NAV3: variants seen among roughly 807,000 people sequenced by gnomAD.
The protein encoded by NAV3 is neuron navigator 3, also known as pore membrane and/or filament interacting like protein 1.
In NAV3, 87 loss-of-function variants were observed where a neutral mutation model predicts 244.7. The ratio of observed to expected loss-of-function variants is 0.36; its 90% CI spans 0.30 to 0.42. NAV3 has a LOEUF of 0.42. Ranked by LOEUF, NAV3 falls within the 20% of genes least tolerant of loss-of-function variation. NAV3 has a pLI of 1.00. For missense variants in NAV3, 2,663 were observed against 2,893.3 expected, an observed-to-expected ratio of 0.92 and a Z score of 1.83; for synonymous variants, 1,126 against 1,042.2, an observed-to-expected ratio of 1.08 and a Z score of -1.55.
In NAV3 at chr12:77,831,465, C is replaced by A. The variant is rs144372053; in HGVS notation, c.4C>A (p.Pro2Thr). M[P>T]VLGVASKLRQ... The stretch of plus-strand genomic sequence containing the variant: ...AGAAGATAATTTTATAGAAGCCATG[C>A]CTGTTCTTGGGGTTGCCTCAAAACT... Residue 2 changes from proline (P) to threonine (T), a missense_variant, in exon 1 of 40, where the codon CCT becomes ACT. Pro to Thr is a conservative substitution (Grantham distance 38). Around this residue, in one of 6 missense-constraint regions of NAV3, gnomAD observed 1,521 missense variants for 1,497.0 expected, o/e 1.02. Coordinates refer to ENST00000397909, the MANE Select transcript of NAV3 (RefSeq NM_001024383.2). 2.7e-4 allele frequency: 434 copies of A among 1,600,564 alleles called. 2 individuals are homozygous for A. The highest frequency in any genetic ancestry group is 1.3e-3 in the Admixed American group (76 of 56,888).
intron 9 of NAV3, among the ~76,000 whole-genome samples, chr12:78,032,317 A>G (rs745943981): frequency 1.3e-5 from 2 of 152,216 alleles, no homozygotes; most frequent in African/African-American, 4.8e-5. Context: ...TCACCAATGC[A>G]GTAACTCACT....
intron 12 of NAV3, among the ~76,000 whole-genome samples, chr12:78,072,052 T>G (rs1266875607): frequency 4.6e-5 from 7 of 152,088 alleles, no homozygotes; most frequent in Non-Finnish European, 1.0e-4. Context: ...AGTGGGAAAT[T>G]TATAGCACTA....
At chr12:77,925,540 G>GAT (rs1888115783) in intron 1 of NAV3, among the ~76,000 whole-genome samples, 2 of 31,654 alleles carry the variant, frequency 6.3e-5, no homozygotes, top group Non-Finnish European at 9.1e-5. Context: ...ATGAAAAGGC[G>GAT]GGGGGAGGTT....
At chr12:77,998,284 C>A (rs1872686317) in intron 6 of NAV3, 53 bp from the exon 7 acceptor site, 1 of 1,364,292 alleles carries the variant, frequency 7.3e-7, no homozygotes, top group Non-Finnish European at 9.7e-7. Context: ...CCTCCTGCTT[C>A]TTACCTTTTT....
In NAV3 at chr12:78,190,165, G is replaced by A; in HGVS notation, c.6237G>A (p.Arg2079=). Residue 2079 remains arginine, a synonymous_variant, in exon 34 of 40, where the codon AGG becomes AGA. Transcript: ENST00000397909. ...LAEYVITKSG[R]KKTEDAIATF... ...AATATGTAATAACCAAATCTGGAAG[G>A]AAAAAAACAGAGGATGCAATTGCCA... is the stretch of plus-strand genomic sequence containing the variant. 6.2e-7 allele frequency: 1 copy of A among 1,612,590 alleles called. No homozygotes were observed.
At chr12:78,054,963 G>A (rs1362926778) in intron 11 of NAV3, among the ~76,000 whole-genome samples, 1 of 152,162 alleles carries the variant, frequency 6.6e-6, no homozygotes, top group African/African-American at 2.4e-5. Context: ...AGCAGGAATT[G>A]TGGGAGGCAT....
intron 1 of NAV3, among the ~76,000 whole-genome samples, chr12:77,912,800 T>TTGTATTTTTACTA (rs1886739066): frequency 1.3e-5 from 2 of 149,854 alleles, no homozygotes; most frequent in Non-Finnish European, 3.0e-5. Context: ...TTACTAGAGA[T>TTGTATTTTTACTA]GGGGTTTCAC....
intron 12 of NAV3, among the ~76,000 whole-genome samples, chr12:78,065,718 G>A (rs541767245): frequency 6.6e-6 from 1 of 152,204 alleles, no homozygotes; most frequent in African/African-American, 2.4e-5. Context: ...GAAGAAGTTA[G>A]GAGGTTGAAA....
intron 2 of NAV3, among the ~76,000 whole-genome samples, chr12:77,625,083 T>A (rs1371734715): frequency 1.3e-5 from 2 of 152,198 alleles, no homozygotes; most frequent in Non-Finnish European, 2.9e-5. Flanking sequence ...AAAATTTTTT[T>A]AAGAAATTTA....
chr12:77,802,322 A>G (rs534614107), intron 2 of NAV3, among the ~76,000 whole-genome samples: 3 of 152,332 alleles, frequency 2.0e-5, no homozygotes, highest in African/African-American at 7.2e-5. Context: ...GTAACTTTCT[A>G]AAGCAATATA....
intron 5 of NAV3, among the ~76,000 whole-genome samples, chr12:77,994,228 A>G (rs946827470): frequency 6.6e-6 from 1 of 152,252 alleles, no homozygotes; most frequent in Non-Finnish European, 1.5e-5. Flanking sequence ...CTTCCCCAAG[A>G]CAAAACATCT....
chr12:77,576,767 AAGTTT>A (rs1346466532), intron 2 of NAV3, among the ~76,000 whole-genome samples: 2 of 152,214 alleles, frequency 1.3e-5, no homozygotes, highest in African/African-American at 2.4e-5. Flanking sequence ...TAAAAAAAGA[AAGTTT>A]AGTGAGGATA....
intron 5 of NAV3, among the ~76,000 whole-genome samples, chr12:77,973,664 A>T (rs571969223): frequency 2.2e-4 from 34 of 152,112 alleles, no homozygotes; most frequent in Non-Finnish European, 4.3e-4. Flanking sequence ...AGGAAACATT[A>T]TTTCCTTCTG....
chr12:77,699,267 A>G (rs1337059019), intron 2 of NAV3, among the ~76,000 whole-genome samples: 1 of 152,098 alleles, frequency 6.6e-6, no homozygotes, highest in Non-Finnish European at 1.5e-5. Context: ...TGAATGAGGA[A>G]CAGACGTTTG....
At chr12:78,066,422 G>A (rs1885028955) in intron 12 of NAV3, among the ~76,000 whole-genome samples, 1 of 152,048 alleles carries the variant, frequency 6.6e-6, no homozygotes, top group South Asian at 2.1e-4. Context: ...TCAAAATTAG[G>A]TTACGTAGAT....
intron 7 of NAV3, among the ~76,000 whole-genome samples, chr12:77,998,836 TTAAGG>T (rs1036962311): frequency 6.6e-6 from 1 of 152,146 alleles, no homozygotes; most frequent in Admixed American, 6.5e-5. Context: ...TTAACTTCAG[TTAAGG>T]TAAGAGCCAT....
chr12:78,043,701 TC>T (rs1372256372), intron 9 of NAV3, among the ~76,000 whole-genome samples: 3 of 152,346 alleles, frequency 2.0e-5, no homozygotes, highest in African/African-American at 7.2e-5. Flanking sequence ...GAGCTTTCTT[TC>T]ATATGTTTGT....
chr12:77,915,121 A>G (rs1886995812), intron 1 of NAV3, among the ~76,000 whole-genome samples: 1 of 151,970 alleles, frequency 6.6e-6, no homozygotes, highest in Admixed American at 6.6e-5. Context: ...TTCTCTGCAA[A>G]AATTTCTCCA....
intron 2 of NAV3, among the ~76,000 whole-genome samples, chr12:77,642,773 G>GA (rs1007674401): frequency 1.3e-5 from 2 of 151,554 alleles, no homozygotes; most frequent in African/African-American, 2.4e-5. Context: ...CTCAAAAAGT[G>GA]AAAAAAAGTC....
Sources: gnomAD v4.1 joint callset for allele counts (sites outside exome capture counted in the v4.1 genomes callset) on GRCh38, gnomAD v4.1.1 for gene constraint, gnomAD v4.1.1 regional missense constraint, MANE v1.5 for transcripts, NCBI Gene and HGNC (gene_info 2026-07-23, HGNC 2026-07-21) for gene names.